TCP11L1: variants seen among roughly 807,000 people sequenced by gnomAD.
TCP11L1 encodes the protein t-complex 11 like 1.
A neutral mutation model predicts 48.9 loss-of-function variants in TCP11L1; 28 were observed. The ratio of observed to expected loss-of-function variants is 0.57; its 90% CI spans 0.42 to 0.78. TCP11L1 has a LOEUF of 0.78. Among genes scored for constraint, TCP11L1 ranks in the 30% least tolerant of loss-of-function variants. The probability of loss-of-function intolerance (pLI) is 0.00; values close to 1 mark genes in which losing one functional copy is unlikely to be tolerated. For synonymous variants in TCP11L1, 204 were observed against 231.9 expected (o/e 0.88, Z 1.09); for missense variants, 505 against 613.4 (o/e 0.82, Z 1.87).
chr11:33,049,491 A>G (rs1185202093), intron 2 of TCP11L1, among the ~76,000 whole-genome samples: 3 of 152,112 alleles, frequency 2.0e-5, no homozygotes, highest in African/African-American at 4.8e-5. Flanking sequence ...TTCCCTCAGT[A>G]TTTATTGATC....
chr11:33,058,544 A>AT (rs1167915616), intron 5 of TCP11L1, among the ~76,000 whole-genome samples: 2 of 117,248 alleles, frequency 1.7e-5, no homozygotes, highest in African/African-American at 6.6e-5. Flanking sequence ...GTACTCATGG[A>AT]TTTAAAAAAA....
chr11:33,052,524 T>G (rs1854191564), intron 2 of TCP11L1, among the ~76,000 whole-genome samples: 1 of 152,164 alleles, frequency 6.6e-6, no homozygotes, highest in Non-Finnish European at 1.5e-5. Context: ...AAAATAACTT[T>G]TCACCAATGT....
Position 33,047,852 on chromosome 11 carries a change from C to T in TCP11L1, c.163+3916C>T, listed in dbSNP as rs116045873. ...ATCTGTACCCTGGTTTTACTGTGCT[C>T]ATTCTATAGTAGCTGTTTGGGTGAC... On this transcript the variant is annotated intron_variant, in intron 2 of 9. Coordinates refer to ENST00000334274, the MANE Select transcript of TCP11L1 (RefSeq NM_018393.4). 6.1e-3 allele frequency among the ~76,000 whole-genome samples: 926 copies of T among 152,284 alleles called. 16 individuals carry two copies. The highest frequency in any genetic ancestry group is 0.022 in the African/African-American group (896 of 41,552).
At chr11:33,057,037 T>G in intron 3 of TCP11L1, 78 bp from the exon 4 acceptor site, 1 of 1,596,736 alleles carries the variant, frequency 6.3e-7, no homozygotes, top group Non-Finnish European at 8.6e-7. Context: ...AAACCCATAG[T>G]ATTTGTGCTT....
intron 6 of TCP11L1, 71 bp from the exon 7 acceptor site, chr11:33,061,459 G>A (rs2133730631): frequency 1.4e-6 from 2 of 1,416,598 alleles, no homozygotes; most frequent in Non-Finnish European, 1.9e-6. Context: ...GACATCGATT[G>A]TCCCTTAAGT....
At position 33,072,922 on chromosome 11, in the gene TCP11L1, C is replaced by T; in HGVS notation, c.*246C>T. ...AGAAGCATTTTGTTCTCGAGTTTTA[C>T]AGGTAACACTCAGCTGTTGTCTCCA... On this transcript the variant is annotated 3_prime_UTR_variant, in exon 10 of 10. Coordinates refer to ENST00000334274, the MANE Select transcript of TCP11L1 (RefSeq NM_018393.4). 3 of 499,872 alleles carry T rather than the reference C, an allele frequency of 6.0e-6. No individual in the cohort carries two copies. The highest frequency in any genetic ancestry group is 2.1e-5 in the South Asian group (1 of 47,376). The allele number at this position is 499,872 out of a possible 1,614,324, so 31.0% of individuals were successfully genotyped here.
intron 8 of TCP11L1, among the ~76,000 whole-genome samples, chr11:33,068,198 T>C (rs1014240388): frequency 3.3e-5 from 5 of 152,226 alleles, no homozygotes; most frequent in Non-Finnish European, 5.9e-5. Context: ...TCTGGGATTA[T>C]AGGCGTGAGC....
In TCP11L1 at chr11:33,071,144, G is replaced by A. The variant is rs111935640; in HGVS notation, c.1328-1330G>A. On this transcript the variant is annotated intron_variant, in intron 9 of 9. Coordinates refer to ENST00000334274, the MANE Select transcript of TCP11L1 (RefSeq NM_018393.4). ...AGCCCGGGCAACATGGTGAAACCCC[G>A]CCTCTACTAATAATACAAAAATTAG... Among the ~76,000 whole-genome samples the A allele has an allele frequency of 6.3e-3, 958 of 151,798 alleles. 5 individuals carry two copies. The highest frequency in any genetic ancestry group is 0.022 in the African/African-American group (897 of 41,394).
intron 8 of TCP11L1, among the ~76,000 whole-genome samples, chr11:33,067,312 CAG>C (rs1486544030): frequency 6.6e-6 from 1 of 152,198 alleles, no homozygotes; most frequent in Non-Finnish European, 1.5e-5. Context: ...AGGTCCAATT[CAG>C]AGACTTCTTC....
intron 8 of TCP11L1, among the ~76,000 whole-genome samples, chr11:33,066,366 G>C (rs1036342135): frequency 6.6e-6 from 1 of 152,140 alleles, no homozygotes; most frequent in African/African-American, 2.4e-5. Flanking sequence ...GAGGGGGAAC[G>C]TAATTAGATT....
intron 4 of TCP11L1, 43 bp downstream of exon 4, chr11:33,057,278 G>C (rs1854338372): frequency 2.5e-6 from 4 of 1,612,496 alleles, no homozygotes; most frequent in Non-Finnish European, 3.4e-6. Flanking sequence ...GGTGTGTTAG[G>C]AGTGTTTATT....
Position 33,045,301 on chromosome 11 carries a change from C to T in TCP11L1, c.163+1365C>T, listed in dbSNP as rs147625651. 5.7e-3 allele frequency among the ~76,000 whole-genome samples: 849 copies of T among 149,788 alleles called. 4 individuals carry two copies. The highest frequency in any genetic ancestry group is 7.5e-3 in the East Asian group (38 of 5,092). ...CTGGGAGGTGGAGGCTGCAGTGAGC[C>T]GAGATCACGCCACTGCACTCCCGTC... On this transcript the variant is annotated intron_variant, in intron 2 of 9. Transcript: ENST00000334274.
chr11:33,072,358 G>A, intron 9 of TCP11L1, 116 bp from the exon 10 acceptor site: 4 of 1,011,170 alleles, frequency 4.0e-6, no homozygotes, highest in Non-Finnish European at 6.2e-6. Flanking sequence ...TGGTCTGGGA[G>A]TATTGATCGG....
chr11:33,058,733 C>T (rs1288866450), intron 5 of TCP11L1, among the ~76,000 whole-genome samples: 3 of 152,028 alleles, frequency 2.0e-5, no homozygotes, highest in Non-Finnish European at 1.5e-5. Context: ...AAAAACAGTA[C>T]AATCAACACT....
Position 33,058,154 on chromosome 11 carries a change from T to G in TCP11L1, c.638+15T>G, listed in dbSNP as rs747521614. ...CCCCTTTTCAGGTATGGAAATATGT[T>G]AATCATACTCCGTGCAACTACAATT... On this transcript the variant is annotated intron_variant, in intron 5 of 9. Coordinates refer to ENST00000334274, the MANE Select transcript of TCP11L1 (RefSeq NM_018393.4). The G allele has an allele frequency of 6.2e-7, 1 of 1,601,550 alleles. No individual in the cohort carries two copies. Among genetic ancestry groups the G allele is most frequent in the Non-Finnish European group, 8.5e-7 (1 of 1,175,228 alleles).
At chr11:33,040,066 T>G (rs1270497331) in intron 1 of TCP11L1, 1 of 151,884 alleles carries the variant, frequency 6.6e-6, no homozygotes, top group Non-Finnish European at 1.5e-5. Flanking sequence ...CGAGTGGAGC[T>G]CAGTGCCAGA....
chr11:33,045,816 A>G (rs1417725942), intron 2 of TCP11L1, among the ~76,000 whole-genome samples: 2 of 152,322 alleles, frequency 1.3e-5, no homozygotes, highest in Admixed American at 1.3e-4. Flanking sequence ...GGAAGCCTGC[A>G]CTATTCATTG....
rs1854362859 is a variant in TCP11L1, at chr11:33,058,093, G to A, written c.592G>A (p.Glu198Lys). The part of the protein sequence containing the change: ...GTLCAPARDE[E>K]VKKLKDIKEI... ...ACTGTGTGCACCTGCTCGAGATGAG[G>A]AAGTTAAGAAACTAAAGGACATTAA... The change falls in exon 5 of 10, where the codon GAA becomes AAA. Residue 198 changes from glutamate (E) to lysine (K), a missense_variant. Around this residue, in one of 3 missense-constraint regions of TCP11L1, gnomAD observed 335 missense variants for 413.3 expected, o/e 0.81. Coordinates refer to ENST00000334274, the MANE Select transcript of TCP11L1 (RefSeq NM_018393.4). 6.2e-7 allele frequency: 1 copy of A among 1,613,982 alleles called. No homozygotes were observed.
chr11:33,056,059 A>G (rs1018238717), intron 3 of TCP11L1, among the ~76,000 whole-genome samples: 1 of 151,764 alleles, frequency 6.6e-6, no homozygotes, highest in African/African-American at 2.4e-5. Context: ...CTTGTTATCT[A>G]TCTGCCTCAG....
Sources: gnomAD v4.1 joint callset for allele counts (sites outside exome capture counted in the v4.1 genomes callset) on GRCh38, gnomAD v4.1.1 for gene constraint, gnomAD v4.1.1 regional missense constraint, MANE v1.5 for transcripts, NCBI Gene and HGNC (gene_info 2026-07-23, HGNC 2026-07-21) for gene names.